CELF4: variants seen among roughly 807,000 people sequenced by gnomAD.
CELF4 encodes CUGBP Elav-like family member 4.
A neutral mutation model predicts 59.9 loss-of-function variants in CELF4; 18 were observed. The observed-to-expected ratio is 0.30, with a 90% CI of 0.21 to 0.45. CELF4 has a LOEUF of 0.45. Among genes scored for constraint, CELF4 ranks in the 20% least tolerant of loss-of-function variants. CELF4 has a pLI of 1.00. For missense variants in CELF4, 456 were observed against 689.0 expected, an observed-to-expected ratio of 0.66 and a Z score of 3.79; for synonymous variants, 261 against 267.1, an observed-to-expected ratio of 0.98 and a Z score of 0.22.
At chr18:37,477,198 G>A (rs1159099156) in intron 2 of CELF4, among the ~76,000 whole-genome samples, 5 of 152,222 alleles carry the variant, frequency 3.3e-5, no homozygotes, top group African/African-American at 1.2e-4. Context: ...TACAGGCTGG[G>A]AATCCAAGAT....
intron 2 of CELF4, among the ~76,000 whole-genome samples, chr18:37,436,276 GTTC>G (rs2099692138): frequency 6.6e-6 from 1 of 152,224 alleles, no homozygotes; most frequent in African/African-American, 2.4e-5. Flanking sequence ...CTCGGGAGCA[GTTC>G]GAGATGCCCT....
At chr18:37,352,947 C>A (rs924520347) in intron 2 of CELF4, among the ~76,000 whole-genome samples, 8 of 151,890 alleles carry the variant, frequency 5.3e-5, no homozygotes, top group Admixed American at 2.6e-4. Context: ...CTTGGCCGGG[C>A]GCGGTAGCTC....
At chr18:37,303,853 C>T (rs1176174071) in intron 3 of CELF4, among the ~76,000 whole-genome samples, 1 of 152,224 alleles carries the variant, frequency 6.6e-6, no homozygotes, top group Non-Finnish European at 1.5e-5. Context: ...CCTTCTGTTT[C>T]CAGACACTGT....
In CELF4 at chr18:37,338,451, A is replaced by G. The variant is rs9948470; in HGVS notation, c.370-16570T>C. 3.6e-3 allele frequency among the ~76,000 whole-genome samples: 520 copies of G among 142,892 alleles called. 21 individuals carry two copies. The highest frequency in any genetic ancestry group is 0.015 in the African/African-American group (474 of 32,620). 93.7% of individuals were successfully genotyped at this position (142,892 alleles called of 152,430 possible). A position where few individuals can be genotyped will look rare whatever the true frequency, so the allele number is the denominator to read the frequency against. Reference sequence around the variant, plus strand: ...CACCTCTGTCACTGTCACCACTGTCACTACCACCATCATATAACCAGTAAA... The same window carrying G: ...CACCTCTGTCACTGTCACCACTGTCGCTACCACCATCATATAACCAGTAAA... On this transcript the variant is annotated intron_variant, in intron 2 of 12. Transcript: ENST00000420428.
intron 2 of CELF4, among the ~76,000 whole-genome samples, chr18:37,448,354 C>T (rs558709085): frequency 7.2e-5 from 11 of 152,238 alleles, no homozygotes; most frequent in Non-Finnish European, 1.6e-4. Flanking sequence ...CCCTACCAGT[C>T]ACCAGTCCTC....
chr18:37,277,281 C>G, intron 3 of CELF4, among the ~76,000 whole-genome samples: 1 of 152,248 alleles, frequency 6.6e-6, no homozygotes, highest in Non-Finnish European at 1.5e-5. Context: ...AGCTGGCCCT[C>G]CAACAGGGTG....
chr18:37,413,618 T>A (rs906929640), intron 2 of CELF4, among the ~76,000 whole-genome samples: 6 of 152,148 alleles, frequency 3.9e-5, no homozygotes, highest in African/African-American at 1.4e-4. Flanking sequence ...CATGGACCAG[T>A]TATGGAAAAA....
chr18:37,317,363 G>A (rs1569560246), intron 3 of CELF4, among the ~76,000 whole-genome samples: 2 of 151,642 alleles, frequency 1.3e-5, no homozygotes, highest in African/African-American at 2.4e-5. Flanking sequence ...CTCCAGCCTG[G>A]GCAACAAAAG....
intron 2 of CELF4, among the ~76,000 whole-genome samples, chr18:37,449,448 G>A (rs1270610425): frequency 1.3e-5 from 2 of 152,114 alleles, no homozygotes; most frequent in Non-Finnish European, 1.5e-5. Context: ...GGTGGGAGAA[G>A]TTCTACCACC....
intron 1 of CELF4, among the ~76,000 whole-genome samples, chr18:37,542,012 G>A (rs919473014): frequency 6.6e-5 from 10 of 152,070 alleles, no homozygotes; most frequent in Non-Finnish European, 1.0e-4. Flanking sequence ...CATGGTCATC[G>A]TTGTGACTCC....
intron 1 of CELF4, among the ~76,000 whole-genome samples, chr18:37,554,064 T>A (rs755788144): frequency 7.2e-5 from 11 of 152,184 alleles, no homozygotes; most frequent in Non-Finnish European, 1.3e-4. Flanking sequence ...CCAGGCCTTG[T>A]GGCTGAGGAG....
chr18:37,270,466 G>A (rs2090617636), intron 8 of CELF4, among the ~76,000 whole-genome samples: 2 of 152,126 alleles, frequency 1.3e-5, no homozygotes, highest in Non-Finnish European at 2.9e-5. Context: ...GCACTTACTG[G>A]CCTCTCTACA....
intron 1 of CELF4, among the ~76,000 whole-genome samples, chr18:37,510,065 T>C (rs2099942506): frequency 6.6e-6 from 1 of 152,218 alleles, no homozygotes; most frequent in African/African-American, 2.4e-5. Context: ...GGATGATGAA[T>C]ATGTCTCAGA....
At chr18:37,445,850 C>T (rs1391864472) in intron 2 of CELF4, among the ~76,000 whole-genome samples, 1 of 152,124 alleles carries the variant, frequency 6.6e-6, no homozygotes, top group African/African-American at 2.4e-5. Flanking sequence ...CCTGTGTGCC[C>T]GCAGGTCTCT....
intron 2 of CELF4, among the ~76,000 whole-genome samples, chr18:37,396,040 C>G (rs1013158075): frequency 1.3e-5 from 2 of 152,228 alleles, no homozygotes; most frequent in Non-Finnish European, 2.9e-5. Context: ...TTCTGATACT[C>G]TCCCCATTCT....
chr18:37,335,588 G>A (rs1247056726), intron 2 of CELF4, among the ~76,000 whole-genome samples: 2 of 151,808 alleles, frequency 1.3e-5, no homozygotes, highest in East Asian at 1.9e-4. Context: ...GTGGTCAGGC[G>A]TGGCCCCCTG....
chr18:37,503,807 G>T (rs531561804), intron 1 of CELF4, among the ~76,000 whole-genome samples: 8 of 152,156 alleles, frequency 5.3e-5, no homozygotes, highest in Non-Finnish European at 8.8e-5. Context: ...ACTGAGAGCC[G>T]CTTGAATGTC....
chr18:37,357,899 C>A (rs1319171510), intron 2 of CELF4, among the ~76,000 whole-genome samples: 9 of 152,124 alleles, frequency 5.9e-5, no homozygotes, highest in African/African-American at 2.2e-4. Context: ...CCAATTTCTC[C>A]CATTTGGAAT....
At chr18:37,270,302 G>A (rs959266892) in intron 8 of CELF4, among the ~76,000 whole-genome samples, 18 of 152,210 alleles carry the variant, frequency 1.2e-4, no homozygotes, top group African/African-American at 4.1e-4. Flanking sequence ...TGTGCACCAA[G>A]GGATGGACTG....
Sources: gnomAD v4.1 joint callset for allele counts (sites outside exome capture counted in the v4.1 genomes callset) on GRCh38, gnomAD v4.1.1 for gene constraint, MANE v1.5 for transcripts, NCBI Gene and HGNC (gene_info 2026-07-23, HGNC 2026-07-21) for gene names.